GRIN2B: variants seen among roughly 807,000 people sequenced by gnomAD.
GRIN2B encodes the protein glutamate ionotropic receptor NMDA type subunit 2B.
GRIN2B carries 5 observed loss-of-function variants against 114.5 expected under a neutral mutation model. The ratio of observed to expected loss-of-function variants is 0.04; its 90% CI spans 0.02 to 0.09. The LOEUF is 0.09. Among genes scored for constraint, GRIN2B ranks in the 10% least tolerant of loss-of-function variants. The pLI, the probability that GRIN2B is intolerant of heterozygous loss-of-function variation, is 1.00. For missense variants in GRIN2B, 1,108 were observed against 1,943.5 expected (o/e 0.57, Z 8.08); for synonymous variants, 787 against 745.1 (o/e 1.06, Z -0.92).
chr12:13,657,288 T>A (rs1949875129), intron 5 of GRIN2B, among the ~76,000 whole-genome samples: 1 of 152,178 alleles, frequency 6.6e-6, no homozygotes, highest in Non-Finnish European at 1.5e-5. Flanking sequence ...GAATCAGCTT[T>A]TAAGGGCCAA....
chr12:13,556,455 C>G lies in GRIN2B; in HGVS notation c.*6328G>C. On this transcript the variant is annotated 3_prime_UTR_variant, in exon 14 of 14. Coordinates refer to ENST00000609686, the MANE Select transcript of GRIN2B (RefSeq NM_000834.5). The stretch of plus-strand genomic sequence containing the variant: ...AGGGACATAGTACGTGCACAATAGA[C>G]GTTGGTTTAATTAAACTCACATATT... The G allele has an allele frequency of 6.6e-6, 1 of 152,202 alleles. No homozygotes were observed. Among genetic ancestry groups the G allele is most frequent in the East Asian group, 1.9e-4 (1 of 5,178 alleles). The allele number at this position is 152,202 out of a possible 1,614,324, so 9.4% of individuals were successfully genotyped here.
chr12:13,685,056 A>G (rs2268107), intron 4 of GRIN2B, among the ~76,000 whole-genome samples: 85,917 of 151,968 alleles, frequency 0.57, 24,792 homozygotes, highest in Middle Eastern at 0.62. Flanking sequence ...CCTACTGAGC[A>G]TATGTACTCA....
At chr12:13,764,893 T>C (rs1050887953) in intron 3 of GRIN2B, among the ~76,000 whole-genome samples, 2 of 152,246 alleles carry the variant, frequency 1.3e-5, no homozygotes, top group African/African-American at 4.8e-5. Flanking sequence ...GTCACTGTTA[T>C]AATCAGATAC....
intron 3 of GRIN2B, among the ~76,000 whole-genome samples, chr12:13,765,316 G>C (rs1486091742): frequency 2.6e-5 from 4 of 152,192 alleles, no homozygotes; most frequent in Non-Finnish European, 5.9e-5. Flanking sequence ...GGTGAAACTA[G>C]ATTATTTTAC....
At chr12:13,858,059 G>A (rs1044678437) in intron 3 of GRIN2B, among the ~76,000 whole-genome samples, 11 of 152,150 alleles carry the variant, frequency 7.2e-5, no homozygotes, top group East Asian at 1.9e-4. Flanking sequence ...TTTAAGCTAC[G>A]GTGAGCAAAT....
At chr12:13,745,095 G>T (rs1190425397) in intron 4 of GRIN2B, among the ~76,000 whole-genome samples, 1 of 152,114 alleles carries the variant, frequency 6.6e-6, no homozygotes. Context: ...TATTTAAATT[G>T]TGCAAGATCT....
chr12:13,816,395 T>C (rs1864824284), intron 3 of GRIN2B, among the ~76,000 whole-genome samples: 1 of 152,256 alleles, frequency 6.6e-6, no homozygotes, highest in African/African-American at 2.4e-5. Flanking sequence ...TCAGACTTTC[T>C]AGCAGTGTTT....
At position 13,573,312 on chromosome 12, in the gene GRIN2B, G is replaced by A. The variant is rs970001563; in HGVS notation, c.2011-1348C>T. ...TAAAAATACAAAAAACTAGCCGAGC[G>A]TGGTGGCAGGCACCTGTAGTCCCAG... On this transcript the variant is annotated intron_variant, in intron 10 of 13. Coordinates refer to ENST00000609686, the MANE Select transcript of GRIN2B (RefSeq NM_000834.5). 9.4e-5 allele frequency among the ~76,000 whole-genome samples: 14 copies of A among 148,942 alleles called. 2 individuals are homozygous for A. Among genetic ancestry groups the A allele is most frequent in the African/African-American group, 2.5e-4 (10 of 39,918 alleles).
At chr12:13,814,626 T>G (rs1024313736) in intron 3 of GRIN2B, among the ~76,000 whole-genome samples, 2 of 152,238 alleles carry the variant, frequency 1.3e-5, no homozygotes, top group Admixed American at 1.3e-4. Flanking sequence ...TATCAAGTTA[T>G]GGACATGAAC....
chr12:13,828,768 A>T (rs1019930908), intron 3 of GRIN2B, among the ~76,000 whole-genome samples: 4 of 152,090 alleles, frequency 2.6e-5, no homozygotes, highest in African/African-American at 9.7e-5. Flanking sequence ...TCAGATTGCC[A>T]CACTCCCTCA....
chr12:13,599,056 A>G (rs951079049), intron 10 of GRIN2B, among the ~76,000 whole-genome samples: 2 of 152,316 alleles, frequency 1.3e-5, no homozygotes, highest in Admixed American at 6.5e-5. Context: ...GTTGGCCTGA[A>G]GCCAATGCTC....
intron 3 of GRIN2B, among the ~76,000 whole-genome samples, chr12:13,786,336 C>T (rs1035494345): frequency 2.6e-5 from 4 of 152,130 alleles, no homozygotes; most frequent in African/African-American, 9.7e-5. Context: ...TAATATACAA[C>T]TGAACTAAAT....
chr12:13,578,169 C>T (rs1948802741), intron 10 of GRIN2B, among the ~76,000 whole-genome samples: 1 of 152,170 alleles, frequency 6.6e-6, no homozygotes, highest in South Asian at 2.1e-4. Context: ...ATCCTCCTAC[C>T]TCAGCCTCCC....
chr12:13,807,557 A>G (rs1474502917), intron 3 of GRIN2B, among the ~76,000 whole-genome samples: 2 of 152,094 alleles, frequency 1.3e-5, no homozygotes, highest in African/African-American at 4.8e-5. Context: ...CCTCAATTGC[A>G]ATCAGCAACA....
intron 3 of GRIN2B, among the ~76,000 whole-genome samples, chr12:13,776,384 T>C (rs962759945): frequency 2.6e-5 from 4 of 152,130 alleles, no homozygotes. Flanking sequence ...CGTTCACCTA[T>C]GTAACAAACC....
intron 4 of GRIN2B, among the ~76,000 whole-genome samples, chr12:13,696,860 G>C (rs78860681): frequency 0.03 from 4,540 of 152,102 alleles, 200 homozygotes; most frequent in African/African-American, 0.1. Context: ...GTAGGCAAAG[G>C]GTTCAAAATT....
At chr12:13,962,784 CA>C (rs1867718712) in intron 2 of GRIN2B, among the ~76,000 whole-genome samples, 1 of 152,172 alleles carries the variant, frequency 6.6e-6, no homozygotes, top group East Asian at 1.9e-4. Flanking sequence ...CAGAACTTCC[CA>C]GGGGGGCAGA....
chr12:13,711,297 C>A (rs1418012918), intron 4 of GRIN2B, among the ~76,000 whole-genome samples: 3 of 151,972 alleles, frequency 2.0e-5, no homozygotes, highest in Admixed American at 1.3e-4. Context: ...CTAGGCAATA[C>A]CATTCAGGAC....
chr12:13,740,797 G>A (rs1163833949), intron 4 of GRIN2B, among the ~76,000 whole-genome samples: 1 of 152,122 alleles, frequency 6.6e-6, no homozygotes, highest in East Asian at 1.9e-4. Context: ...AAGGATTTGG[G>A]AATAGGATAA....
Sources: allele counts gnomAD v4.1 joint callset (sites outside exome capture counted in the v4.1 genomes callset), GRCh38; gene constraint gnomAD v4.1.1; transcripts MANE v1.5; gene names NCBI Gene and HGNC (gene_info 2026-07-23, HGNC 2026-07-21).